The following ARFGEF1 variants were observed in gnomAD, a reference collection of about 807,000 sequenced individuals.
The protein encoded by ARFGEF1 is ARF guanine nucleotide exchange factor 1.
Under a neutral mutation model 231.0 loss-of-function variants are expected in ARFGEF1, and 42 were observed. That is an observed-to-expected ratio of 0.18 (90% CI 0.14 to 0.24). The LOEUF (loss-of-function observed/expected upper bound fraction) is 0.24, where lower values mean the gene tolerates loss of function less well. Among genes scored for constraint, ARFGEF1 ranks in the 10% least tolerant of loss-of-function variants. The pLI is 1.00. For missense variants in ARFGEF1, 1,345 were observed against 2,192.0 expected (o/e 0.61, Z 7.72); for synonymous variants, 710 against 732.3 (o/e 0.97, Z 0.49).
chr8:67,179,677 C>T (rs974570873), intron 5 of ARFGEF1, among the ~76,000 whole-genome samples: 2 of 152,116 alleles, frequency 1.3e-5, no homozygotes, highest in Non-Finnish European at 2.9e-5. Flanking sequence ...TCACCGTCTT[C>T]GTAGGAATTG....
chr8:67,333,254 C>T (rs193006794), intron 1 of ARFGEF1, among the ~76,000 whole-genome samples: 3 of 151,794 alleles, frequency 2.0e-5, no homozygotes, highest in Admixed American at 2.0e-4. Flanking sequence ...AGGATGGTCT[C>T]GATCTCCTGA....
At chr8:67,204,529 C>A (rs987092749) in intron 35 of ARFGEF1, 151 bp downstream of exon 35, 5 of 929,234 alleles carry the variant, frequency 5.4e-6, no homozygotes, top group Non-Finnish European at 7.6e-6. Flanking sequence ...AACCTTATTA[C>A]CTTGTGATGG....
intron 22 of ARFGEF1, among the ~76,000 whole-genome samples, chr8:67,236,368 ATATATATATATATAT>A (rs1563855690): frequency 0.011 from 277 of 26,198 alleles, 22 homozygotes; most frequent in African/African-American, 0.025. Flanking sequence ...AAAAAAAAAT[ATATATATATATATAT>A]ATATATATAT....
chr8:67,189,092 T>C (rs1246896730), intron 5 of ARFGEF1, among the ~76,000 whole-genome samples: 3 of 152,180 alleles, frequency 2.0e-5, no homozygotes, highest in Non-Finnish European at 4.4e-5. Context: ...CCTGCTAGAA[T>C]GGCCAGCATT....
chr8:67,238,195 T>C, intron 22 of ARFGEF1, 148 bp downstream of exon 22: 1 of 781,610 alleles, frequency 1.3e-6, no homozygotes, highest in Non-Finnish European at 1.9e-6. Context: ...GCAAAAAAGA[T>C]TTAGTTCCTT....
At chr8:67,180,546 TAAAA>T (rs1053316963) in intron 5 of ARFGEF1, among the ~76,000 whole-genome samples, 7 of 152,020 alleles carry the variant, frequency 4.6e-5, no homozygotes, top group Non-Finnish European at 1.0e-4. Context: ...AAATGGGAAA[TAAAA>T]TAATAATAAT....
intron 1 of ARFGEF1, among the ~76,000 whole-genome samples, chr8:67,315,544 G>A (rs1807272535): frequency 6.6e-6 from 1 of 152,152 alleles, no homozygotes; most frequent in South Asian, 2.1e-4. Context: ...CATACAGAGT[G>A]TGTTCTTTTT....
At chr8:67,248,036 T>G (rs1459499934) in intron 19 of ARFGEF1, among the ~76,000 whole-genome samples, 1 of 150,160 alleles carries the variant, frequency 6.7e-6, no homozygotes, top group Non-Finnish European at 1.5e-5. Context: ...GAAAGATATT[T>G]TATGTTTATG....
Position 67,245,050 on chromosome 8 carries a change from G to A in ARFGEF1, c.2851-4760C>T, listed in dbSNP as rs557200677. On this transcript the variant is annotated intron_variant, in intron 19 of 38. Coordinates refer to ENST00000262215, the MANE Select transcript of ARFGEF1 (RefSeq NM_006421.5). ...CAGACTATTCAGTGGAAACCACACA[G>A]GCCAGGATACAGTGGTATGACATAT... is the stretch of plus-strand genomic sequence containing the variant. 1.2e-3 allele frequency among the ~76,000 whole-genome samples: 180 copies of A among 150,744 alleles called. 13 individuals carry two copies. Among genetic ancestry groups the A allele is most frequent in the African/African-American group, 4.1e-3 (168 of 40,558 alleles).
chr8:67,194,589 A>G (rs1341526249), downstream of ARFGEF1, among the ~76,000 whole-genome samples: 1 of 152,166 alleles, frequency 6.6e-6, no homozygotes, highest in Non-Finnish European at 1.5e-5. Context: ...AAGGTTTTTA[A>G]TGTCTACACT....
intron 7 of ARFGEF1, 46 bp from the exon 8 acceptor site, chr8:67,277,503 C>T (rs775369283): frequency 3.2e-6 from 5 of 1,546,520 alleles, no homozygotes; most frequent in Non-Finnish European, 4.4e-6. Context: ...CTGACTTAAC[C>T]GAAGTGTATT....
At chr8:67,219,187 A>G (rs1839062966) in intron 30 of ARFGEF1, among the ~76,000 whole-genome samples, 1 of 152,144 alleles carries the variant, frequency 6.6e-6, no homozygotes, top group Non-Finnish European at 1.5e-5. Flanking sequence ...GGCTGGTCTC[A>G]AACCCCTGAC....
chr8:67,225,963 T>G, intron 28 of ARFGEF1, 60 bp downstream of exon 28: 1 of 1,464,666 alleles, frequency 6.8e-7, no homozygotes, highest in South Asian at 1.5e-5. Context: ...CCAAACAAAC[T>G]TAAGATTTCA....
At chr8:67,178,481 T>C (rs1258568440) in intron 5 of ARFGEF1, among the ~76,000 whole-genome samples, 1 of 152,208 alleles carries the variant, frequency 6.6e-6, no homozygotes, top group African/African-American at 2.4e-5. Context: ...ACAGGTTACA[T>C]TCCAGAAGGA....
Position 67,231,802 on chromosome 8 carries a change from T to C in ARFGEF1, c.3380+1053A>G, listed in dbSNP as rs115974913. Among the ~76,000 whole-genome samples the C allele has an allele frequency of 2.1e-3, 325 of 152,142 alleles. 2 individuals are homozygous for C. The highest frequency in any genetic ancestry group is 6.9e-3 in the African/African-American group (288 of 41,538). Reference sequence around the variant, plus strand: ...TCTGTCTCAGTTTCCTCATTGTAAATTGAGGACAAGAATACCCATCTCATG... The same window carrying C: ...TCTGTCTCAGTTTCCTCATTGTAAACTGAGGACAAGAATACCCATCTCATG... On this transcript the variant is annotated intron_variant, in intron 23 of 38. Coordinates refer to ENST00000262215, the MANE Select transcript of ARFGEF1 (RefSeq NM_006421.5).
At chr8:67,294,180 T>C (rs1218867076) in intron 5 of ARFGEF1, among the ~76,000 whole-genome samples, 3 of 152,178 alleles carry the variant, frequency 2.0e-5, no homozygotes, top group Non-Finnish European at 4.4e-5. Context: ...AGGATGTGTG[T>C]AGCTTATATG....
rs376777139 is a variant in ARFGEF1, at chr8:67,218,103, T to C, written c.4374A>G (p.Ala1458=). 4.5e-6 allele frequency: 7 copies of C among 1,543,980 alleles called. No individual in the cohort carries two copies. Among genetic ancestry groups the C allele is most frequent in the Non-Finnish European group, 6.1e-6 (7 of 1,143,716 alleles). The part of the protein sequence containing the change: ...AEWMTTTCNH[A]LYAICDVFTQ... ...TGAATACATCACAGATTGCATAAAG[T>C]GCATGATTGCAAGTTGTTGTCATCC... The change falls in exon 31 of 39, where the codon GCA becomes GCG. Residue 1458 remains alanine, a synonymous_variant. Transcript: ENST00000262215.
chr8:67,282,540 A>T (rs977654517), intron 7 of ARFGEF1, among the ~76,000 whole-genome samples: 2 of 152,122 alleles, frequency 1.3e-5, no homozygotes, highest in African/African-American at 4.8e-5. Context: ...TTTGTGGTCA[A>T]GTATGTGCTC....
At chr8:67,265,888 G>T in intron 14 of ARFGEF1, 118 bp downstream of exon 14, 1 of 896,366 alleles carries the variant, frequency 1.1e-6, no homozygotes, top group Non-Finnish European at 1.7e-6. Flanking sequence ...TCGTGAATTA[G>T]ATCCATGAGA....
Sources: allele counts gnomAD v4.1 joint callset (sites outside exome capture counted in the v4.1 genomes callset), GRCh38; gene constraint gnomAD v4.1.1; transcripts MANE v1.5; gene names NCBI Gene and HGNC (gene_info 2026-07-23, HGNC 2026-07-21).